The following ATL3 variants were observed in gnomAD, a reference collection of about 807,000 sequenced individuals.
The protein encoded by ATL3 is atlastin-3.
In ATL3, 49 loss-of-function variants were observed where a neutral mutation model predicts 69.5. That is an observed-to-expected ratio of 0.71 (90% CI 0.56 to 0.89). ATL3 has a LOEUF of 0.89. Ranked by LOEUF, ATL3 falls within the 40% of genes least tolerant of loss-of-function variation. The pLI is 0.00. For missense variants in ATL3, 606 were observed against 645.7 expected, an observed-to-expected ratio of 0.94 and a Z score of 0.67; for synonymous variants, 214 against 224.1, an observed-to-expected ratio of 0.95 and a Z score of 0.40.
At chr11:63,660,750 G>A (rs1052434930) in intron 1 of ATL3, among the ~76,000 whole-genome samples, 2 of 151,836 alleles carry the variant, frequency 1.3e-5, no homozygotes, top group African/African-American at 4.8e-5. Context: ...AAAACAGAAA[G>A]TTCATTATCA....
chr11:63,645,849 C>T lies in ATL3; in HGVS notation c.618+658G>A, dbSNP rs188281713. On this transcript the variant is annotated intron_variant, in intron 6 of 12. Coordinates refer to ENST00000398868, the MANE Select transcript of ATL3 (RefSeq NM_015459.5). ...GTGGCATGACCTCGGCTCACTGTAA[C>T]CTTCACCTACCAGGCTCGAGCGACT... Among the ~76,000 whole-genome samples the T allele has an allele frequency of 8.7e-3, 1,326 of 152,058 alleles. 8 individuals are homozygous for T. Among genetic ancestry groups the T allele is most frequent in the Non-Finnish European group, 0.013 (894 of 67,982 alleles).
chr11:63,647,885 GA>G (rs1241606160), intron 5 of ATL3, among the ~76,000 whole-genome samples: 1 of 152,198 alleles, frequency 6.6e-6, no homozygotes, highest in African/African-American at 2.4e-5. Flanking sequence ...GTTCTGCTAA[GA>G]AATCTGGAAG....
At position 63,629,395 on chromosome 11, in the gene ATL3, T is replaced by C. The variant is rs142132706; in HGVS notation, c.1550A>G (p.His517Arg). Residue 517 changes from histidine (H) to arginine (R), a missense_variant, in exon 13 of 13, where the codon CAT becomes CGT. Physicochemically the swap from His to Arg is conservative, Grantham distance 29 (BLOSUM62 0). Transcript: ENST00000398868. ...AAYVLEQASS[H>R]IGNSTQATVR... ...AGTGGCCTGAGTGGAATTACCGATATGAGAAGAAGCCTGCAAAAGTCCATT... is the reference window on the plus strand; with the variant it reads ...AGTGGCCTGAGTGGAATTACCGATACGAGAAGAAGCCTGCAAAAGTCCATT... 6.2e-7 allele frequency: 1 copy of C among 1,614,094 alleles called. No individual in the cohort carries two copies. The highest frequency in any genetic ancestry group is 8.5e-7 in the Non-Finnish European group (1 of 1,179,936).
In ATL3 at chr11:63,667,070, C is replaced by T. The variant is rs79816072; in HGVS notation, c.46+4220G>A. Among the ~76,000 whole-genome samples the T allele has an allele frequency of 2.0e-3, 312 of 152,330 alleles. 1 individual carries two copies. The highest frequency in any genetic ancestry group is 3.4e-3 in the Non-Finnish European group (232 of 68,030). ...AAATCTTGTGCTATCCTGCCTGGGACATGAATCATTCCCTTTTCCAGAGTA... is the reference window on the plus strand; with the variant it reads ...AAATCTTGTGCTATCCTGCCTGGGATATGAATCATTCCCTTTTCCAGAGTA... On this transcript the variant is annotated intron_variant, in intron 1 of 12. Coordinates refer to ENST00000398868, the MANE Select transcript of ATL3 (RefSeq NM_015459.5).
At chr11:63,649,657 G>A (rs550618183) in intron 5 of ATL3, among the ~76,000 whole-genome samples, 236 of 150,800 alleles carry the variant, frequency 1.6e-3, no homozygotes, top group African/African-American at 5.5e-3. Context: ...TCAGCCTCCC[G>A]AGTAGCTGCG....
chr11:63,665,977 CT>C (rs1449625051), intron 1 of ATL3, among the ~76,000 whole-genome samples: 1 of 152,064 alleles, frequency 6.6e-6, no homozygotes, highest in Non-Finnish European at 1.5e-5. Flanking sequence ...AATGGAGCTG[CT>C]TATATATTAC....
chr11:63,652,420 C>A, intron 4 of ATL3, 51 bp downstream of exon 4: 1 of 1,158,066 alleles, frequency 8.6e-7, no homozygotes, highest in Admixed American at 2.3e-5. Flanking sequence ...GTATTTCCTC[C>A]CTTTATCTTA....
chr11:63,649,882 T>C (rs980540222), intron 5 of ATL3, among the ~76,000 whole-genome samples: 2 of 152,200 alleles, frequency 1.3e-5, no homozygotes, highest in Non-Finnish European at 2.9e-5. Flanking sequence ...CTTTATGGTA[T>C]ATGTGTATAT....
At chr11:63,663,486 T>C (rs1250553496) in intron 1 of ATL3, among the ~76,000 whole-genome samples, 1 of 152,220 alleles carries the variant, frequency 6.6e-6, no homozygotes, top group Non-Finnish European at 1.5e-5. Context: ...AAGTTATAAA[T>C]ATAGGTTAAA....
At chr11:63,642,545 T>G (rs1490475947) in intron 8 of ATL3, among the ~76,000 whole-genome samples, 3 of 152,212 alleles carry the variant, frequency 2.0e-5, no homozygotes, top group African/African-American at 7.2e-5. Flanking sequence ...TAGCCCAGTA[T>G]GGGTTTGGAG....
intron 11 of ATL3, chr11:63,632,624 G>A: frequency 2.2e-6 from 2 of 919,682 alleles, no homozygotes; most frequent in East Asian, 2.4e-5. Flanking sequence ...TATTCCATAT[G>A]AACTAATAAG....
intron 6 of ATL3, among the ~76,000 whole-genome samples, chr11:63,644,974 G>C (rs1939820819): frequency 6.6e-6 from 1 of 152,082 alleles, no homozygotes; most frequent in Non-Finnish European, 1.5e-5. Context: ...CCAGCTACTT[G>C]GGAGGCTGAG....
At position 63,627,897 on chromosome 11, in the gene ATL3, G is replaced by A. The variant is rs1267137104; in HGVS notation, c.*1422C>T. On this transcript the variant is annotated 3_prime_UTR_variant, in exon 13 of 13. Transcript: ENST00000398868. Reference sequence around the variant, plus strand: ...AAATAGATAATTCACTAAATAAAATGGGTTAATTTTAGCTTCATTATTAAG... The same window carrying A: ...AAATAGATAATTCACTAAATAAAATAGGTTAATTTTAGCTTCATTATTAAG... 1 of 152,128 alleles carries A rather than the reference G, an allele frequency of 6.6e-6. No homozygotes were observed. The highest frequency in any genetic ancestry group is 1.9e-4 in the East Asian group (1 of 5,196). The allele number at this position is 152,128 out of a possible 1,614,324, so 9.4% of individuals were successfully genotyped here.
rs1565278666 is a variant in ATL3, at chr11:63,652,513, AC to A, written c.467del (p.Cys156LeufsTer7). The A allele has an allele frequency of 6.2e-7, 1 of 1,611,602 alleles. No individual in the cohort carries two copies. Among genetic ancestry groups the A allele is most frequent in the Non-Finnish European group, 8.5e-7 (1 of 1,178,428 alleles). ...TAGTGCTTAGAGCAAAGATGGTAGC[AC>A]AGTCTTTCACAGTTGACTGGCTGTC... ...AFDSQSTVKD[C>X]ATIFALSTMT... On this transcript the variant is annotated frameshift_variant, in exon 4 of 13. Coordinates refer to ENST00000398868, the MANE Select transcript of ATL3 (RefSeq NM_015459.5). LOFTEE classifies it high-confidence loss of function.
At chr11:63,632,247 C>G in intron 11 of ATL3, 1 of 724,508 alleles carries the variant, frequency 1.4e-6, no homozygotes, top group Non-Finnish European at 2.6e-6. Context: ...CTGGGGAAAC[C>G]TTCTGACTTG....
chr11:63,635,801 C>A (rs1056925343), intron 9 of ATL3, among the ~76,000 whole-genome samples: 1 of 150,132 alleles, frequency 6.7e-6, no homozygotes, highest in Non-Finnish European at 1.5e-5. Context: ...CCTACAGAGG[C>A]TAGGATTCCC....
chr11:63,639,913 A>C (rs570521792), intron 8 of ATL3, among the ~76,000 whole-genome samples: 42 of 152,164 alleles, frequency 2.8e-4, no homozygotes, highest in African/African-American at 9.1e-4. Flanking sequence ...AAAGACACAC[A>C]GATTCAACTA....
intron 6 of ATL3, among the ~76,000 whole-genome samples, chr11:63,646,281 A>C (rs1939877674): frequency 6.6e-6 from 1 of 152,228 alleles, no homozygotes; most frequent in Non-Finnish European, 1.5e-5. Flanking sequence ...GCTGTGTTAC[A>C]CTAAAATTTT....
chr11:63,655,048 T>C (rs1393920530), intron 3 of ATL3, among the ~76,000 whole-genome samples: 1 of 152,186 alleles, frequency 6.6e-6, no homozygotes, highest in Non-Finnish European at 1.5e-5. Flanking sequence ...GGATTTTCCC[T>C]TGTTGGGTGC....
Sources: gnomAD v4.1 joint callset for allele counts (sites outside exome capture counted in the v4.1 genomes callset) on GRCh38, gnomAD v4.1.1 for gene constraint, MANE v1.5 for transcripts, NCBI Gene and HGNC (gene_info 2026-07-23, HGNC 2026-07-21) for gene names.